The following ADCY9 variants were observed in gnomAD, a reference collection of about 807,000 sequenced individuals.
ADCY9 encodes the protein adenylate cyclase 9.
ADCY9 carries 50 observed loss-of-function variants against 101.5 expected under a neutral mutation model. The observed-to-expected ratio is 0.49, with a 90% CI of 0.39 to 0.62. ADCY9 has a LOEUF of 0.62. Among genes scored for constraint, ADCY9 ranks in the 20% least tolerant of loss-of-function variants. The pLI is 0.00. For missense variants in ADCY9, 1,662 were observed against 1,800.4 expected (o/e 0.92, Z 1.39); for synonymous variants, 905 against 769.3 (o/e 1.18, Z -2.92).
chr16:3,967,531 A>C (rs1378085201), intron 10 of ADCY9, among the ~76,000 whole-genome samples: 1 of 151,216 alleles, frequency 6.6e-6, no homozygotes, highest in Non-Finnish European at 1.5e-5. Context: ...CTGGGATTAC[A>C]CGCATGTACC....
chr16:4,064,514 T>C (rs1346258949), intron 2 of ADCY9, among the ~76,000 whole-genome samples: 2 of 152,126 alleles, frequency 1.3e-5, no homozygotes, highest in Non-Finnish European at 2.9e-5. Flanking sequence ...ACTCTGTCAC[T>C]CGGGCTGGAG....
chr16:4,009,876 G>A (rs996489311), intron 2 of ADCY9, among the ~76,000 whole-genome samples: 3 of 152,200 alleles, frequency 2.0e-5, no homozygotes, highest in African/African-American at 7.2e-5. Context: ...ACGCAAGGAG[G>A]CCTGTCCTGG....
intron 2 of ADCY9, among the ~76,000 whole-genome samples, chr16:4,067,956 T>A (rs2056810730): frequency 6.6e-6 from 1 of 152,338 alleles, no homozygotes; most frequent in East Asian, 1.9e-4. Context: ...TTTAATTAAA[T>A]GGGTTAAGGG....
At chr16:3,995,093 C>A (rs1374182617) in intron 3 of ADCY9, among the ~76,000 whole-genome samples, 3 of 152,148 alleles carry the variant, frequency 2.0e-5, no homozygotes, top group Non-Finnish European at 4.4e-5. Context: ...ATCACTTTAC[C>A]TCAGTTCCCT....
intron 3 of ADCY9, among the ~76,000 whole-genome samples, chr16:3,995,381 T>C (rs560982473): frequency 4.6e-5 from 7 of 152,250 alleles, no homozygotes; most frequent in South Asian, 2.1e-4. Flanking sequence ...TGAGCTTTGA[T>C]GGTGCCACTG....
intron 2 of ADCY9, among the ~76,000 whole-genome samples, chr16:4,080,819 TA>T (rs1180610036): frequency 6.6e-6 from 1 of 152,014 alleles, no homozygotes; most frequent in Non-Finnish European, 1.5e-5. Context: ...GCCTCTTCTT[TA>T]AACTCCTAAT....
chr16:4,039,200 A>T, intron 2 of ADCY9, among the ~76,000 whole-genome samples: 1 of 150,876 alleles, frequency 6.6e-6, no homozygotes, highest in East Asian at 2.0e-4. Context: ...GCCCCTTTCC[A>T]CCCCCATCTC....
At chr16:3,997,820 G>A (rs553410105) in intron 3 of ADCY9, among the ~76,000 whole-genome samples, 65 of 152,268 alleles carry the variant, frequency 4.3e-4, no homozygotes, top group Non-Finnish European at 8.7e-4. Flanking sequence ...TTGGCTGGGC[G>A]CAGTGGCTCA....
chr16:4,041,233 T>C, intron 2 of ADCY9, among the ~76,000 whole-genome samples: 1 of 152,136 alleles, frequency 6.6e-6, no homozygotes, highest in Admixed American at 6.5e-5. Context: ...CTGGGCATGG[T>C]GGCTCACGCC....
At chr16:3,975,150 G>A (rs558692424) in intron 9 of ADCY9, among the ~76,000 whole-genome samples, 4 of 152,242 alleles carry the variant, frequency 2.6e-5, no homozygotes, top group East Asian at 1.9e-4. Flanking sequence ...TAAAGGCCAC[G>A]GTGAATGCCC....
intron 2 of ADCY9, among the ~76,000 whole-genome samples, chr16:4,040,906 C>T (rs140053113): frequency 7.2e-4 from 109 of 152,166 alleles, no homozygotes; most frequent in Admixed American, 1.3e-3. Flanking sequence ...GATTTTCCAA[C>T]GAGACAGGTG....
intron 10 of ADCY9, 24 bp from the exon 11 acceptor site, chr16:3,966,990 G>T (rs372036045): frequency 4.4e-6 from 7 of 1,589,482 alleles, no homozygotes; most frequent in East Asian, 4.5e-5. Flanking sequence ...ACACGGGAAA[G>T]GGAGAGGTTA....
chr16:4,060,259 A>G (rs2056766827), intron 2 of ADCY9, among the ~76,000 whole-genome samples: 1 of 152,168 alleles, frequency 6.6e-6, no homozygotes, highest in African/African-American at 2.4e-5. Context: ...AGAATAAGGG[A>G]GCTATCACGG....
chr16:4,096,667 T>C (rs975882770), intron 2 of ADCY9, among the ~76,000 whole-genome samples: 4 of 152,146 alleles, frequency 2.6e-5, no homozygotes, highest in Non-Finnish European at 5.9e-5. Context: ...CACAATAGGG[T>C]ACGAACTAAC....
intron 3 of ADCY9, among the ~76,000 whole-genome samples, chr16:4,005,991 G>C (rs920743731): frequency 6.6e-6 from 1 of 152,182 alleles, no homozygotes; most frequent in East Asian, 1.9e-4. Context: ...GCCCAGGCAA[G>C]GCGGCTGTCT....
At chr16:3,980,789 G>C (rs906712862) in intron 7 of ADCY9, among the ~76,000 whole-genome samples, 9 of 152,178 alleles carry the variant, frequency 5.9e-5, no homozygotes, top group East Asian at 1.9e-4. Flanking sequence ...GGCCCTAGGA[G>C]GGGGGACAGA....
At chr16:3,990,397 T>TG (rs2056234413) in intron 5 of ADCY9, among the ~76,000 whole-genome samples, 1 of 150,634 alleles carries the variant, frequency 6.6e-6, no homozygotes. Context: ...ACCTGGGAGA[T>TG]GGAGGTTGCA....
chr16:4,081,890 T>G (rs1235900604), intron 2 of ADCY9, among the ~76,000 whole-genome samples: 1 of 150,700 alleles, frequency 6.6e-6, no homozygotes, highest in South Asian at 2.1e-4. Context: ...CGGGGGAGTC[T>G]TGGAGAAGGG....
chr16:3,974,615 G>T, intron 10 of ADCY9, 54 bp downstream of exon 10: 1 of 1,453,474 alleles, frequency 6.9e-7, no homozygotes, highest in Non-Finnish European at 9.7e-7. Flanking sequence ...AAATGGGCAG[G>T]GTAATACAGT....
Sources: allele counts gnomAD v4.1 joint callset (sites outside exome capture counted in the v4.1 genomes callset), GRCh38; gene constraint gnomAD v4.1.1; transcripts MANE v1.5; gene names NCBI Gene and HGNC (gene_info 2026-07-23, HGNC 2026-07-21).